Variants in CLVS2 observed in about 807,000 individuals in gnomAD.
CLVS2 encodes the protein clavesin 2.
Under a neutral mutation model 29.0 loss-of-function variants are expected in CLVS2, and 19 were observed. The ratio of observed to expected loss-of-function variants is 0.66; its 90% CI spans 0.46 to 0.96. The LOEUF (loss-of-function observed/expected upper bound fraction) is 0.96. Among genes scored for constraint, CLVS2 ranks in the 40% least tolerant of loss-of-function variants. CLVS2 has a pLI of 0.00. For missense variants in CLVS2, 294 were observed against 404.1 expected (o/e 0.73, Z 2.34); for synonymous variants, 161 against 151.3 (o/e 1.06, Z -0.47).
At chr6:123,001,636 G>C (rs146914914) in intron 2 of CLVS2, among the ~76,000 whole-genome samples, 1 of 152,134 alleles carries the variant, frequency 6.6e-6, no homozygotes, top group African/African-American at 2.4e-5. Context: ...AGATGCCTTC[G>C]TCCTCCATGT....
chr6:123,006,018 A>T (rs887782140), intron 2 of CLVS2, among the ~76,000 whole-genome samples: 1 of 152,198 alleles, frequency 6.6e-6, no homozygotes, highest in Non-Finnish European at 1.5e-5. Flanking sequence ...AAGTGGTATC[A>T]AACAGTGAAA....
chr6:123,072,294 A>G lies in CLVS2; in HGVS notation c.*8533A>G, dbSNP rs1772962021. 1 of 152,090 alleles carries G rather than the reference A, an allele frequency of 6.6e-6. No individual in the cohort carries two copies. Among genetic ancestry groups the G allele is most frequent in the Admixed American group, 6.6e-5 (1 of 15,262 alleles). The allele number at this position is 152,090 out of a possible 1,614,324, so 9.4% of individuals were successfully genotyped here. On this transcript the variant is annotated 3_prime_UTR_variant, in exon 6 of 6. Transcript: ENST00000275162. ...AATATAACCTGAAATATAAGAATAG[A>G]TGTTTGAAACTGTTTCAGAAGTTAA...
chr6:123,028,060 T>C (rs1301267148), intron 3 of CLVS2, among the ~76,000 whole-genome samples: 2 of 152,172 alleles, frequency 1.3e-5, no homozygotes, highest in African/African-American at 4.8e-5. Flanking sequence ...GGTTTAAGGG[T>C]TACAAATTCA....
intron 3 of CLVS2, among the ~76,000 whole-genome samples, chr6:123,027,171 T>G (rs1312312106): frequency 6.6e-6 from 1 of 152,184 alleles, no homozygotes; most frequent in Non-Finnish European, 1.5e-5. Flanking sequence ...TGTGATGCAC[T>G]TTGAATTTAA....
At chr6:123,055,112 C>T (rs543754163) in intron 4 of CLVS2, among the ~76,000 whole-genome samples, 5 of 152,186 alleles carry the variant, frequency 3.3e-5, no homozygotes, top group African/African-American at 1.2e-4. Flanking sequence ...TACAGCTTTA[C>T]ATTTTTAATT....
chr6:123,035,111 A>G (rs1775133786), intron 3 of CLVS2, among the ~76,000 whole-genome samples: 4 of 152,180 alleles, frequency 2.6e-5, no homozygotes, highest in African/African-American at 9.6e-5. Context: ...GCATCATTAA[A>G]AGAAGTAGGG....
intron 3 of CLVS2, among the ~76,000 whole-genome samples, chr6:123,032,739 A>G (rs1392283765): frequency 1.3e-5 from 2 of 152,102 alleles, no homozygotes; most frequent in African/African-American, 4.8e-5. Flanking sequence ...CAGTGAATAC[A>G]AAAATTATAG....
chr6:123,019,015 T>C (rs1774883125), intron 3 of CLVS2, among the ~76,000 whole-genome samples: 1 of 152,108 alleles, frequency 6.6e-6, no homozygotes, highest in Admixed American at 6.6e-5. Flanking sequence ...TTCCACCTTC[T>C]TGCGCTGCTG....
At chr6:123,040,941 C>T (rs1341211113) in intron 3 of CLVS2, among the ~76,000 whole-genome samples, 2 of 151,652 alleles carry the variant, frequency 1.3e-5, no homozygotes, top group Non-Finnish European at 2.9e-5. Flanking sequence ...ATTATGATTA[C>T]AATAATGATA....
At chr6:123,013,619 A>G (rs1483091853) in intron 3 of CLVS2, among the ~76,000 whole-genome samples, 1 of 151,954 alleles carries the variant, frequency 6.6e-6, no homozygotes, top group African/African-American at 2.4e-5. Context: ...ATCAATCCAC[A>G]TCATAAACCT....
intron 3 of CLVS2, among the ~76,000 whole-genome samples, chr6:123,039,349 C>T (rs1030192013): frequency 4.6e-5 from 7 of 152,136 alleles, no homozygotes; most frequent in South Asian, 2.1e-4. Flanking sequence ...AGCCTCAATA[C>T]GGTTCATAGA....
intron 2 of CLVS2, among the ~76,000 whole-genome samples, chr6:122,998,582 T>C (rs1217796045): frequency 6.6e-6 from 1 of 152,232 alleles, no homozygotes. Context: ...ATTGTCATCA[T>C]CATCATCATC....
chr6:123,001,246 A>G (rs1774585323), intron 2 of CLVS2, among the ~76,000 whole-genome samples: 1 of 152,254 alleles, frequency 6.6e-6, no homozygotes, highest in Non-Finnish European at 1.5e-5. Context: ...TATAAATAAA[A>G]TAGTGTCTGT....
At chr6:123,035,951 G>A (rs1351044132) in intron 3 of CLVS2, among the ~76,000 whole-genome samples, 2 of 152,120 alleles carry the variant, frequency 1.3e-5, no homozygotes, top group Non-Finnish European at 2.9e-5. Flanking sequence ...CTGAGATTGT[G>A]AAAGGAAAGA....
At chr6:123,042,543 G>A (rs1471214808) in intron 3 of CLVS2, among the ~76,000 whole-genome samples, 1 of 152,156 alleles carries the variant, frequency 6.6e-6, no homozygotes, top group Non-Finnish European at 1.5e-5. Flanking sequence ...ATCTCTGTAT[G>A]AAGGATGAAA....
intron 3 of CLVS2, among the ~76,000 whole-genome samples, chr6:123,021,060 T>A (rs77348270): frequency 1.6e-3 from 237 of 149,346 alleles, no homozygotes; most frequent in African/African-American, 4.1e-3. Context: ...ATGGGGGGGG[T>A]AAAATTGCAG....
At chr6:123,063,139 T>C (rs968988958) in intron 5 of CLVS2, among the ~76,000 whole-genome samples, 1 of 152,172 alleles carries the variant, frequency 6.6e-6, no homozygotes, top group Non-Finnish European at 1.5e-5. Context: ...ACTAGGACAT[T>C]TAACAGAAAC....
In CLVS2 at chr6:122,997,591, GCT is replaced by G; in HGVS notation, c.-186_-185del. On this transcript the variant is annotated 5_prime_UTR_variant, in exon 2 of 6. The change abolishes the stop of an existing upstream ORF in the 5' untranslated region. Coordinates refer to ENST00000275162, the MANE Select transcript of CLVS2 (RefSeq NM_001010852.4). The stretch of plus-strand genomic sequence containing the variant: ...AAGTTTACACCCCCCGGCCCCCCCA[GCT>G]TTGCTGGGGGAAAGCAGGAGCAACA... The G allele has an allele frequency of 2.0e-6, 1 of 497,282 alleles. No individual in the cohort carries two copies. The allele number at this position is 497,282 out of a possible 1,614,324, so 30.8% of individuals were successfully genotyped here.
intron 2 of CLVS2, among the ~76,000 whole-genome samples, chr6:123,005,846 G>A (rs929207471): frequency 6.6e-6 from 1 of 152,156 alleles, no homozygotes; most frequent in African/African-American, 2.4e-5. Flanking sequence ...TTAAGTGAAT[G>A]TTATATTTAA....
Sources: allele counts gnomAD v4.1 joint callset (sites outside exome capture counted in the v4.1 genomes callset), GRCh38; gene constraint gnomAD v4.1.1; transcripts MANE v1.5; gene names NCBI Gene and HGNC (gene_info 2026-07-23, HGNC 2026-07-21).